SH3RF3: variants seen among roughly 807,000 people sequenced by gnomAD.
SH3RF3 encodes the protein SH3 domain containing ring finger 3.
In SH3RF3, 29 loss-of-function variants were observed where a neutral mutation model predicts 66.3. The observed-to-expected ratio is 0.44, with a 90% CI of 0.33 to 0.60. SH3RF3 has a LOEUF of 0.60. Ranked by LOEUF, SH3RF3 falls within the 20% of genes least tolerant of loss-of-function variation. The probability of loss-of-function intolerance (pLI) is 0.04; values close to 1 mark genes in which losing one functional copy is unlikely to be tolerated. For missense variants in SH3RF3, 1,194 were observed against 1,190.9 expected (o/e 1.00, Z -0.04); for synonymous variants, 583 against 532.0 (o/e 1.10, Z -1.32).
chr2:109,478,499 C>T (rs1187826956), intron 8 of SH3RF3, among the ~76,000 whole-genome samples: 2 of 152,212 alleles, frequency 1.3e-5, no homozygotes, highest in South Asian at 2.1e-4. Flanking sequence ...TTCATGCTTT[C>T]CATGAAAATG....
At chr2:109,260,091 A>G (rs553889407) in intron 1 of SH3RF3, among the ~76,000 whole-genome samples, 27 of 152,100 alleles carry the variant, frequency 1.8e-4, no homozygotes, top group Non-Finnish European at 3.2e-4. Flanking sequence ...CCTTTTTGAG[A>G]GTAGAGAGGC....
chr2:109,399,986 T>A (rs1013126156), intron 4 of SH3RF3, among the ~76,000 whole-genome samples: 23 of 152,178 alleles, frequency 1.5e-4, no homozygotes, highest in African/African-American at 5.3e-4. Context: ...CCTTCCAGAG[T>A]CCCTCTGGCT....
At chr2:109,166,612 G>A (rs1256708279) in intron 1 of SH3RF3, among the ~76,000 whole-genome samples, 2 of 152,306 alleles carry the variant, frequency 1.3e-5, no homozygotes, top group East Asian at 3.9e-4. Context: ...AAAATATTTT[G>A]AGACATTCCA....
At chr2:109,433,149 G>C (rs573724072) in intron 6 of SH3RF3, among the ~76,000 whole-genome samples, 1 of 152,338 alleles carries the variant, frequency 6.6e-6, no homozygotes, top group South Asian at 2.1e-4. Flanking sequence ...AGGTGTGTGC[G>C]TGTGTGCATA....
chr2:109,347,542 C>T (rs1682738091), intron 1 of SH3RF3, 132 bp from the exon 2 acceptor site: 6 of 1,237,092 alleles, frequency 4.9e-6, no homozygotes, highest in Non-Finnish European at 5.5e-6. Context: ...ATATTTTCCA[C>T]TTGCGGGGCA....
chr2:109,261,388 T>C (rs1680351061), intron 1 of SH3RF3, among the ~76,000 whole-genome samples: 1 of 152,212 alleles, frequency 6.6e-6, no homozygotes, highest in South Asian at 2.1e-4. Context: ...TTTGTTTTCA[T>C]TGTAATTACA....
chr2:109,174,601 C>T (rs919830177), intron 1 of SH3RF3, among the ~76,000 whole-genome samples: 1 of 152,244 alleles, frequency 6.6e-6, no homozygotes, highest in Non-Finnish European at 1.5e-5. Context: ...GTGTTCGTAT[C>T]TAGGTGGCTG....
intron 1 of SH3RF3, among the ~76,000 whole-genome samples, chr2:109,294,686 G>T (rs909405500): frequency 1.3e-5 from 2 of 152,160 alleles, no homozygotes; most frequent in African/African-American, 4.8e-5. Flanking sequence ...TGGTGACGGG[G>T]CTGGGCTCAG....
In SH3RF3 at chr2:109,376,014, G is replaced by A. The variant is rs118020230; in HGVS notation, c.945+4333G>A. On this transcript the variant is annotated intron_variant, in intron 3 of 9. Transcript: ENST00000309415. ...CCTTCAAACAAGGGCAGTGGCAGAC[G>A]TCATGGGCTAGCCATGGGGCATAGA... Among the ~76,000 whole-genome samples, 968 of 152,354 alleles carry A rather than the reference G, an allele frequency of 6.4e-3. 9 individuals carry two copies. The highest frequency in any genetic ancestry group is 0.046 in the East Asian group (239 of 5,180).
At chr2:109,134,228 G>C (rs1013806310) in intron 1 of SH3RF3, among the ~76,000 whole-genome samples, 1 of 152,212 alleles carries the variant, frequency 6.6e-6, no homozygotes, top group Non-Finnish European at 1.5e-5. Flanking sequence ...GAGCTAGGAA[G>C]TGATTGAGTT....
intron 1 of SH3RF3, among the ~76,000 whole-genome samples, chr2:109,199,587 T>TTAACA: frequency 1.0e-3 from 1 of 978 alleles, no homozygotes; most frequent in South Asian, 0.062. Context: ...TGGAATGGAA[T>TTAACA]GGAATGGAAT....
intron 1 of SH3RF3, among the ~76,000 whole-genome samples, chr2:109,299,173 G>A (rs1049166356): frequency 1.3e-5 from 2 of 152,206 alleles, no homozygotes; most frequent in Non-Finnish European, 2.9e-5. Context: ...TGCTCACGGG[G>A]CCTCCTCTGA....
intron 1 of SH3RF3, among the ~76,000 whole-genome samples, chr2:109,341,629 G>C (rs1364616619): frequency 1.3e-5 from 2 of 152,158 alleles, no homozygotes; most frequent in African/African-American, 4.8e-5. Context: ...CATGGTATGG[G>C]GGTGTGTTCT....
chr2:109,136,558 C>G (rs1676819745), intron 1 of SH3RF3, among the ~76,000 whole-genome samples: 1 of 152,126 alleles, frequency 6.6e-6, no homozygotes, highest in Non-Finnish European at 1.5e-5. Flanking sequence ...TTTCTTTAGG[C>G]TCTCCTGGCC....
intron 8 of SH3RF3, among the ~76,000 whole-genome samples, chr2:109,453,367 C>T (rs908086354): frequency 1.3e-5 from 2 of 152,226 alleles, no homozygotes; most frequent in South Asian, 4.1e-4. Context: ...TTAAGTTATC[C>T]TTTTGCACTT....
At chr2:109,299,430 T>C (rs1045985007) in intron 1 of SH3RF3, among the ~76,000 whole-genome samples, 1 of 151,412 alleles carries the variant, frequency 6.6e-6, no homozygotes, top group African/African-American at 2.4e-5. Context: ...ATCCTTAAGA[T>C]CACCCTAAGG....
chr2:109,389,006 C>A (rs868175741), intron 3 of SH3RF3, among the ~76,000 whole-genome samples: 1 of 152,156 alleles, frequency 6.6e-6, no homozygotes, highest in Non-Finnish European at 1.5e-5. Flanking sequence ...GCCCAATGCA[C>A]CATCCCTCCA....
At chr2:109,490,355 C>T (rs545653181) in intron 8 of SH3RF3, among the ~76,000 whole-genome samples, 2 of 152,304 alleles carry the variant, frequency 1.3e-5, no homozygotes, top group East Asian at 3.9e-4. Flanking sequence ...TTTAACACAG[C>T]CTGGTGTGCC....
intron 1 of SH3RF3, among the ~76,000 whole-genome samples, chr2:109,178,560 C>T (rs1209280822): frequency 6.6e-6 from 1 of 152,148 alleles, no homozygotes; most frequent in Non-Finnish European, 1.5e-5. Flanking sequence ...ACTCTTTAAC[C>T]CAAAGCCTTT....
Sources: allele counts gnomAD v4.1 joint callset (sites outside exome capture counted in the v4.1 genomes callset), GRCh38; gene constraint gnomAD v4.1.1; transcripts MANE v1.5; gene names NCBI Gene and HGNC (gene_info 2026-07-23, HGNC 2026-07-21).